Variants in TENM3 observed in about 807,000 individuals in gnomAD.
TENM3 encodes teneurin transmembrane protein 3.
In TENM3, 63 loss-of-function variants were observed where a neutral mutation model predicts 255.1. The ratio of observed to expected loss-of-function variants is 0.25; its 90% CI spans 0.20 to 0.30. TENM3 has a LOEUF of 0.30. TENM3 is among the 10% of genes least tolerant of loss of function. The pLI, the probability that TENM3 is intolerant of heterozygous loss-of-function variation, is 1.00. For synonymous variants in TENM3, 1,306 were observed against 1,322.3 expected (o/e 0.99, Z 0.27); for missense variants, 2,929 against 3,461.1 (o/e 0.85, Z 3.86).
At chr4:181,738,954 C>T in the TENM3 span, among the ~76,000 whole-genome samples, 1 of 152,058 alleles carries the variant, frequency 6.6e-6, no homozygotes, top group Non-Finnish European at 1.5e-5. Flanking sequence ...GTGAGCCTAG[C>T]TAGTTTTTAC....
the TENM3 span, among the ~76,000 whole-genome samples, chr4:181,796,683 T>C: frequency 6.6e-6 from 1 of 152,080 alleles, no homozygotes. Flanking sequence ...AGAGAGATGA[T>C]CACCTCTGAC....
the TENM3 span, among the ~76,000 whole-genome samples, chr4:181,788,935 A>G: frequency 3.9e-5 from 6 of 152,164 alleles, no homozygotes; most frequent in Admixed American, 2.6e-4. Context: ...CCTGCATAGC[A>G]TGTAGCACAA....
chr4:181,551,836 ATATGTGTGTGTGTG>A, the TENM3 span, among the ~76,000 whole-genome samples: 1 of 20,382 alleles, frequency 4.9e-5, no homozygotes, highest in East Asian at 1.2e-3. Context: ...ATATATATGT[ATATGTGTGTGTGTG>A]TGTGTGTGTG....
At chr4:182,697,612 T>G (rs1757528625) in intron 12 of TENM3, among the ~76,000 whole-genome samples, 2 of 152,144 alleles carry the variant, frequency 1.3e-5, no homozygotes, top group South Asian at 4.1e-4. Flanking sequence ...GTATCACCCA[T>G]GTTCTGAGAA....
the TENM3 span, among the ~76,000 whole-genome samples, chr4:182,092,310 G>A: frequency 6.6e-6 from 1 of 151,860 alleles, no homozygotes; most frequent in African/African-American, 2.4e-5. Context: ...ACTCTAGCCT[G>A]GGCAACAAAT....
chr4:181,848,915 G>A, the TENM3 span, among the ~76,000 whole-genome samples: 24 of 152,196 alleles, frequency 1.6e-4, 1 homozygote, highest in African/African-American at 5.8e-4. Flanking sequence ...GAGAGAACAG[G>A]CTGCTTTTAG....
chr4:182,468,948 T>G (rs975465073), intron 3 of TENM3, among the ~76,000 whole-genome samples: 7 of 151,744 alleles, frequency 4.6e-5, no homozygotes, highest in Admixed American at 3.3e-4. Flanking sequence ...ATCTATATTT[T>G]GAACTATTGG....
intron 3 of TENM3, among the ~76,000 whole-genome samples, chr4:182,349,671 T>C (rs1196464773): frequency 6.6e-6 from 1 of 152,228 alleles, no homozygotes; most frequent in Non-Finnish European, 1.5e-5. Flanking sequence ...TTACCTATAT[T>C]ACTACTTTTA....
intron 1 of TENM3, among the ~76,000 whole-genome samples, chr4:182,192,799 G>C (rs892357117): frequency 4.6e-5 from 7 of 152,154 alleles, no homozygotes; most frequent in Non-Finnish European, 8.8e-5. Context: ...TGCTTTGTGA[G>C]TTAAGCACAG....
At chr4:182,635,538 A>C (rs774180377) in intron 5 of TENM3, among the ~76,000 whole-genome samples, 1 of 152,232 alleles carries the variant, frequency 6.6e-6, no homozygotes, top group Admixed American at 6.5e-5. Context: ...TTGCCCAATG[A>C]AAACAAATAA....
chr4:181,510,609 G>A, the TENM3 span, among the ~76,000 whole-genome samples: 1 of 152,132 alleles, frequency 6.6e-6, no homozygotes, highest in Non-Finnish European at 1.5e-5. Context: ...AGATGTGTCA[G>A]ACATCCTCAT....
intron 1 of TENM3, among the ~76,000 whole-genome samples, chr4:182,182,799 G>A (rs1752925520): frequency 6.6e-6 from 1 of 152,126 alleles, no homozygotes; most frequent in African/African-American, 2.4e-5. Context: ...CGTGTAAAAA[G>A]TACCTACAAG....
chr4:181,858,771 A>T, the TENM3 span, among the ~76,000 whole-genome samples: 1 of 152,158 alleles, frequency 6.6e-6, no homozygotes. Context: ...CGGGCCAGAG[A>T]ATTCACATGG....
At chr4:181,754,441 A>G in the TENM3 span, among the ~76,000 whole-genome samples, 2 of 152,140 alleles carry the variant, frequency 1.3e-5, no homozygotes, top group South Asian at 4.1e-4. Context: ...ATGTTTCAGT[A>G]AAGGAAAGAG....
chr4:181,923,528 A>G, the TENM3 span, among the ~76,000 whole-genome samples: 1 of 152,186 alleles, frequency 6.6e-6, no homozygotes, highest in Admixed American at 6.6e-5. Flanking sequence ...AATGCTCTGC[A>G]TTTTCTTTAA....
At chr4:182,002,762 C>T in the TENM3 span, among the ~76,000 whole-genome samples, 21 of 152,206 alleles carry the variant, frequency 1.4e-4, no homozygotes, top group African/African-American at 5.1e-4. Flanking sequence ...AAGCTTTTTG[C>T]TATTCATACC....
chr4:181,563,472 G>T, the TENM3 span, among the ~76,000 whole-genome samples: 1 of 152,120 alleles, frequency 6.6e-6, no homozygotes, highest in African/African-American at 2.4e-5. Context: ...TTTCAAATAA[G>T]TTCATATTCT....
At chr4:182,121,085 G>A in the TENM3 span, among the ~76,000 whole-genome samples, 19 of 152,100 alleles carry the variant, frequency 1.2e-4, no homozygotes, top group East Asian at 2.5e-3. Flanking sequence ...TGCAACCTCC[G>A]CCCTCCGGGT....
At chr4:182,579,039 T>C (rs1427246267) in intron 3 of TENM3, among the ~76,000 whole-genome samples, 1 of 152,238 alleles carries the variant, frequency 6.6e-6, no homozygotes, top group Non-Finnish European at 1.5e-5. Flanking sequence ...GTCTCAGGAA[T>C]GGAAGTCCCA....
Sources: gnomAD v4.1 joint callset for allele counts (sites outside exome capture counted in the v4.1 genomes callset) on GRCh38, gnomAD v4.1.1 for gene constraint, MANE v1.5 for transcripts, NCBI Gene and HGNC (gene_info 2026-07-23, HGNC 2026-07-21) for gene names.